TAPT1: variants seen among roughly 807,000 people sequenced by gnomAD.
TAPT1 encodes transmembrane anterior posterior transformation 1.
Under a neutral mutation model 65.6 loss-of-function variants are expected in TAPT1, and 28 were observed. The observed-to-expected ratio is 0.43, with a 90% CI of 0.32 to 0.59. The LOEUF is 0.59. Among genes scored for constraint, TAPT1 ranks in the 20% least tolerant of loss-of-function variants. The pLI is 0.09. For synonymous variants in TAPT1, 278 were observed against 245.2 expected (o/e 1.13, Z -1.25); for missense variants, 563 against 679.9 (o/e 0.83, Z 1.91).
rs749331833 is a variant in TAPT1 at position 16,188,357 on chromosome 4, T to TA, written c.613-3dup. The stretch of plus-strand genomic sequence containing the variant: ...AGATGAAAACAGACGATCAGCTACC[T>TA]AAAAAAAAAAATTATTTGTAAGATG... On this transcript the variant is annotated splice_polypyrimidine_tract_variant and splice_region_variant and intron_variant, in intron 4 of 13. Transcript: ENST00000405303. The TA allele has an allele frequency of 0.012, 14,779 of 1,245,066 alleles. No individual in the cohort carries two copies. Among genetic ancestry groups the TA allele is most frequent in the South Asian group, 0.019 (1,221 of 64,562 alleles). The allele number at this position is 1,245,066 out of a possible 1,614,324, so 77.1% of individuals were successfully genotyped here.
intron 1 of TAPT1, 30 bp downstream of exon 1, chr4:16,226,229 C>A: frequency 2.7e-6 from 3 of 1,107,100 alleles, no homozygotes. Context: ...CCCCTCGGAG[C>A]CCGCCACGGC....
chr4:16,182,069 A>ACACT (rs1347910045), intron 7 of TAPT1, among the ~76,000 whole-genome samples: 3 of 152,200 alleles, frequency 2.0e-5, no homozygotes, highest in Admixed American at 6.5e-5. Context: ...AACTATAAAA[A>ACACT]TGAGGCTGTT....
chr4:16,186,715 C>T, intron 6 of TAPT1, 66 bp downstream of exon 6: 2 of 1,407,294 alleles, frequency 1.4e-6, no homozygotes, highest in Admixed American at 1.9e-5. Context: ...AATTTTATCC[C>T]ACCCAGAGTA....
At chr4:16,220,502 A>G (rs1020509428) in intron 1 of TAPT1, among the ~76,000 whole-genome samples, 1 of 152,180 alleles carries the variant, frequency 6.6e-6, no homozygotes, top group Non-Finnish European at 1.5e-5. Flanking sequence ...TTAAAAATAG[A>G]CACTTTGGGA....
At chr4:16,174,637 T>C (rs1481513331) in intron 10 of TAPT1, 33 bp downstream of exon 10, 1 of 1,544,868 alleles carries the variant, frequency 6.5e-7, no homozygotes, top group Non-Finnish European at 8.8e-7. Flanking sequence ...ATGCCTTTGT[T>C]AATTTCAGAC....
At chr4:16,185,370 A>AT (rs879607371) in intron 7 of TAPT1, among the ~76,000 whole-genome samples, 6,564 of 143,626 alleles carry the variant, frequency 0.046, 460 homozygotes, top group African/African-American at 0.15. Flanking sequence ...AATCATCGTA[A>AT]TTTTTTTTTT....
chr4:16,224,992 C>A (rs1751461690), intron 1 of TAPT1, among the ~76,000 whole-genome samples: 1 of 152,202 alleles, frequency 6.6e-6, no homozygotes, highest in Non-Finnish European at 1.5e-5. Flanking sequence ...ATATTCAAGT[C>A]TAAGTAAGTA....
Position 16,162,966 on chromosome 4 carries a change from G to C in TAPT1, c.*342C>G. 1 of 471,854 alleles carries C rather than the reference G, an allele frequency of 2.1e-6. No homozygotes were observed. The highest frequency in any genetic ancestry group is 1.5e-5 in the South Asian group (1 of 64,634). 29.2% of individuals were successfully genotyped at this position (471,854 alleles called of 1,614,324 possible). ...TATTTCCTTATACTGAAGAGGCCTT[G>C]AGGCAAATTCAACATTCTGGAAGCC... is the stretch of plus-strand genomic sequence containing the variant. On this transcript the variant is annotated 3_prime_UTR_variant, in exon 14 of 14. Coordinates refer to ENST00000405303, the MANE Select transcript of TAPT1 (RefSeq NM_153365.3).
At chr4:16,183,219 G>C (rs1404630440) in intron 7 of TAPT1, 1 of 151,988 alleles carries the variant, frequency 6.6e-6, no homozygotes, top group African/African-American at 2.4e-5. Flanking sequence ...TCTGCCTTAG[G>C]GTAAAGTTAA....
In TAPT1 at chr4:16,162,374, G is replaced by T. The variant is rs1747310042; in HGVS notation, c.*934C>A. On this transcript the variant is annotated 3_prime_UTR_variant, in exon 14 of 14. Coordinates refer to ENST00000405303, the MANE Select transcript of TAPT1 (RefSeq NM_153365.3). ...AAGATGATGCTGTCTAACACACTTG[G>T]AGCATTTACTTTACAGTTAAAGTTG... 1 of 152,864 alleles carries T rather than the reference G, an allele frequency of 6.5e-6. No homozygotes were observed. Among genetic ancestry groups the T allele is most frequent in the Non-Finnish European group, 1.5e-5 (1 of 68,144 alleles). 9.5% of individuals were successfully genotyped at this position (152,864 alleles called of 1,614,324 possible).
At chr4:16,179,800 ATATGTG>A (rs753457807) in intron 7 of TAPT1, 143 bp from the exon 8 acceptor site, 79 of 402,146 alleles carry the variant, frequency 2.0e-4, no homozygotes, top group African/African-American at 8.4e-4. Flanking sequence ...ATATATATAT[ATATGTG>A]TGTGTGTGTG....
chr4:16,166,634 T>A lies in TAPT1; in HGVS notation c.1473A>T (p.Gln491His). ...AGTGAAGAAAGGGACCAAACCTACC[T>A]TGAGAGGGTTTACATTTGTTCTGTG... ...SKSQNKCKPS[Q>H]GLSTEENLSA... Residue 491 changes from glutamine (Q) to histidine (H), a missense_variant and splice_region_variant, in exon 13 of 14, where the codon CAA becomes CAT. By Grantham distance (24) the Gln-to-His change is conservative. Coordinates refer to ENST00000405303, the MANE Select transcript of TAPT1 (RefSeq NM_153365.3). 1 of 1,613,774 alleles carries A rather than the reference T, an allele frequency of 6.2e-7. No homozygotes were observed. The highest frequency in any genetic ancestry group is 8.5e-7 in the Non-Finnish European group (1 of 1,179,682).
At chr4:16,189,214 G>C (rs1749204231) in intron 4 of TAPT1, among the ~76,000 whole-genome samples, 1 of 152,188 alleles carries the variant, frequency 6.6e-6, no homozygotes, top group Admixed American at 6.5e-5. Context: ...GATTCAGTCT[G>C]AATGCCACAT....
chr4:16,201,812 C>A (rs538018741), intron 3 of TAPT1, among the ~76,000 whole-genome samples: 17 of 152,252 alleles, frequency 1.1e-4, no homozygotes, highest in African/African-American at 4.1e-4. Context: ...GCTCTCAATA[C>A]CCCCTTTTTG....
chr4:16,165,542 C>T lies in TAPT1; in HGVS notation c.1474+1091G>A, dbSNP rs201546925. Among the ~76,000 whole-genome samples the T allele has an allele frequency of 9.7e-4, 146 of 150,516 alleles. 1 individual carries two copies. The East Asian group carries it at 0.021, about 21-fold the overall frequency. ...CCGAGATCACGCCACTGCACTCCAG[C>T]CTGGGCGACGGAGCAAAACTCCGTC... is the stretch of plus-strand genomic sequence containing the variant. On this transcript the variant is annotated intron_variant, in intron 13 of 13. Coordinates refer to ENST00000405303, the MANE Select transcript of TAPT1 (RefSeq NM_153365.3).
chr4:16,193,421 A>C (rs750230381), intron 3 of TAPT1, among the ~76,000 whole-genome samples: 1 of 152,174 alleles, frequency 6.6e-6, no homozygotes, highest in Non-Finnish European at 1.5e-5. Flanking sequence ...TCTTTTATCC[A>C]ATGATGTTCC....
At chr4:16,174,307 T>C (rs756194602) in intron 10 of TAPT1, 35 bp from the exon 11 acceptor site, 3 of 1,558,242 alleles carry the variant, frequency 1.9e-6, no homozygotes, top group Non-Finnish European at 2.6e-6. Context: ...TTCAGATTTA[T>C]GGGATTTAAA....
chr4:16,189,575 A>C (rs1749237646), intron 4 of TAPT1, among the ~76,000 whole-genome samples: 1 of 152,190 alleles, frequency 6.6e-6, no homozygotes, highest in Non-Finnish European at 1.5e-5. Context: ...TACAGATGAG[A>C]AACTGAGGAT....
At chr4:16,191,292 AC>A in intron 4 of TAPT1, 68 bp downstream of exon 4, 1 of 1,463,476 alleles carries the variant, frequency 6.8e-7, no homozygotes, top group Non-Finnish European at 9.2e-7. Context: ...ACTCTCAGGT[AC>A]CTTCAGAACT....
Sources: gnomAD v4.1 joint callset for allele counts (sites outside exome capture counted in the v4.1 genomes callset) on GRCh38, gnomAD v4.1.1 for gene constraint, MANE v1.5 for transcripts, NCBI Gene and HGNC (gene_info 2026-07-23, HGNC 2026-07-21) for gene names.